The following IL1RAPL1 variants were observed in gnomAD, a reference collection of about 807,000 sequenced individuals.
IL1RAPL1 encodes the protein interleukin 1 receptor accessory protein like 1.
In IL1RAPL1, 3 loss-of-function variants were observed where a neutral mutation model predicts 48.4. The observed-to-expected ratio is 0.06, with a 90% CI of 0.03 to 0.16. The LOEUF (loss-of-function observed/expected upper bound fraction) is 0.16, where lower values mean the gene tolerates loss of function less well. Ranked by LOEUF, IL1RAPL1 falls within the 10% of genes least tolerant of loss-of-function variation. The pLI is 1.00. For synonymous variants in IL1RAPL1, 185 were observed against 187.7 expected (o/e 0.99, Z 0.12); for missense variants, 349 against 530.6 (o/e 0.66, Z 3.36).
chrX:29,142,457 G>A (rs934286812), intron 2 of IL1RAPL1, among the ~76,000 whole-genome samples: 2 of 112,072 alleles, frequency 1.8e-5, no homozygotes, highest in African/African-American at 6.5e-5. Context: ...CTAATGCAAT[G>A]TGGGAACAAC....
At chrX:29,117,162 G>A (rs1456173634) in intron 2 of IL1RAPL1, among the ~76,000 whole-genome samples, 1 of 111,496 alleles carries the variant, frequency 9.0e-6, no homozygotes, top group Non-Finnish European at 1.9e-5. Context: ...GTAAGGACTT[G>A]ATATGGAAAT....
intron 2 of IL1RAPL1, among the ~76,000 whole-genome samples, chrX:29,192,728 T>A (rs1416199189): frequency 8.9e-6 from 1 of 112,001 alleles, no homozygotes; most frequent in African/African-American, 3.2e-5. Flanking sequence ...ATTCCTAATA[T>A]AAAACAGACA....
intron 6 of IL1RAPL1, among the ~76,000 whole-genome samples, chrX:29,713,461 A>G (rs926088009): frequency 5.4e-5 from 6 of 111,851 alleles, no homozygotes; most frequent in East Asian, 5.6e-4. Flanking sequence ...GTTGTGCTTC[A>G]AGAGAAACAA....
chrX:28,865,266 C>T (rs1262907260), intron 2 of IL1RAPL1, among the ~76,000 whole-genome samples: 5 of 110,249 alleles, frequency 4.5e-5, no homozygotes, highest in African/African-American at 1.7e-4. Flanking sequence ...GATGAAACCT[C>T]GTCTCTACTA....
chrX:29,495,238 A>G (rs1187409882), intron 5 of IL1RAPL1, among the ~76,000 whole-genome samples: 1 of 112,055 alleles, frequency 8.9e-6, no homozygotes, highest in Non-Finnish European at 1.9e-5. Context: ...TGAAAATACA[A>G]CTAGAGTTTA....
chrX:29,696,558 G>A (rs1278332306), intron 6 of IL1RAPL1, among the ~76,000 whole-genome samples: 2 of 111,924 alleles, frequency 1.8e-5, no homozygotes, highest in Non-Finnish European at 1.9e-5. Context: ...GGTGCGAAAA[G>A]TTATGATTTG....
chrX:29,623,833 A>T (rs1924538881), intron 5 of IL1RAPL1, among the ~76,000 whole-genome samples: 1 of 111,607 alleles, frequency 9.0e-6, no homozygotes. Context: ...AACTGAAAAA[A>T]CTGCTAGTTA....
At chrX:28,763,272 G>A (rs936801962) in intron 1 of IL1RAPL1, among the ~76,000 whole-genome samples, 4 of 111,509 alleles carry the variant, frequency 3.6e-5, no homozygotes, top group African/African-American at 1.3e-4. Context: ...TGATTGCCAC[G>A]ATATGAATGT....
intron 2 of IL1RAPL1, among the ~76,000 whole-genome samples, chrX:29,225,965 A>AG (rs752100026): frequency 2.7e-5 from 3 of 111,127 alleles, no homozygotes; most frequent in East Asian, 2.8e-4. Context: ...TAAAGTTGGG[A>AG]GGGGGGGACC....
chrX:29,361,753 T>C (rs1247844487), intron 3 of IL1RAPL1, among the ~76,000 whole-genome samples: 1 of 112,445 alleles, frequency 8.9e-6, no homozygotes, highest in East Asian at 2.8e-4. Flanking sequence ...ACATGGCATT[T>C]ATCAAATAAA....
At chrX:29,842,572 G>A (rs5928512) in intron 6 of IL1RAPL1, among the ~76,000 whole-genome samples, 1 of 112,297 alleles carries the variant, frequency 8.9e-6, no homozygotes, top group Non-Finnish European at 1.9e-5. Flanking sequence ...GATTAAAATG[G>A]CAATTGTGTT....
intron 2 of IL1RAPL1, among the ~76,000 whole-genome samples, chrX:29,278,400 A>G (rs1239913577): frequency 9.0e-6 from 1 of 111,716 alleles, no homozygotes; most frequent in Admixed American, 9.5e-5. Context: ...TGAATATGGT[A>G]CTTCTTACTC....
intron 5 of IL1RAPL1, among the ~76,000 whole-genome samples, chrX:29,575,686 A>G (rs1459710006): frequency 8.9e-6 from 1 of 112,352 alleles, no homozygotes; most frequent in East Asian, 2.8e-4. Context: ...GCATTCTGCA[A>G]TCCAATCAAG....
At chrX:29,662,268 A>G (rs1029958685) in intron 5 of IL1RAPL1, among the ~76,000 whole-genome samples, 1 of 111,562 alleles carries the variant, frequency 9.0e-6, no homozygotes, top group Non-Finnish European at 1.9e-5. Context: ...TCTGCCTGGC[A>G]TAAACATCCT....
intron 5 of IL1RAPL1, among the ~76,000 whole-genome samples, chrX:29,476,436 C>T (rs1452619535): frequency 8.9e-6 from 1 of 111,756 alleles, no homozygotes; most frequent in Non-Finnish European, 1.9e-5. Context: ...TATTATCACA[C>T]TTGCCATTTT....
intron 6 of IL1RAPL1, among the ~76,000 whole-genome samples, chrX:29,724,329 A>G (rs769788673): frequency 2.7e-5 from 3 of 111,702 alleles, no homozygotes; most frequent in Non-Finnish European, 3.8e-5. Context: ...AGCAGCAGGC[A>G]TAGAAAGAAA....
chrX:28,746,220 C>T (rs1262497630), intron 1 of IL1RAPL1, among the ~76,000 whole-genome samples: 1 of 111,115 alleles, frequency 9.0e-6, no homozygotes, highest in Non-Finnish European at 1.9e-5. Context: ...AGCTGGAAAC[C>T]ATCATTCTCA....
intron 2 of IL1RAPL1, among the ~76,000 whole-genome samples, chrX:29,063,270 AATG>A (rs1326946287): frequency 9.0e-6 from 1 of 111,700 alleles, no homozygotes; most frequent in Non-Finnish European, 1.9e-5. Flanking sequence ...CAAAATAGAG[AATG>A]ATAAGTGAAG....
rs184920824 is a variant in IL1RAPL1, at chrX:29,798,737, C to A, written c.779-118727C>A. Among the ~76,000 whole-genome samples, 123 of 112,281 alleles carry A rather than the reference C, an allele frequency of 1.1e-3. 1 individual carries two copies. The highest frequency in any genetic ancestry group is 3.8e-3 in the African/African-American group (117 of 30,942). On this transcript the variant is annotated intron_variant, in intron 6 of 10. Transcript: ENST00000378993. ...AAGGAAGTTTCACAACCTGATTGATCAAATGGAGAATTACTAGGATGCTGG... is the reference window on the plus strand; with the variant it reads ...AAGGAAGTTTCACAACCTGATTGATAAAATGGAGAATTACTAGGATGCTGG...
Sources: gnomAD v4.1 joint callset for allele counts (sites outside exome capture counted in the v4.1 genomes callset) on GRCh38, gnomAD v4.1.1 for gene constraint, MANE v1.5 for transcripts, NCBI Gene and HGNC (gene_info 2026-07-23, HGNC 2026-07-21) for gene names.